The following SLC2A14 variants were observed in gnomAD, a reference collection of about 807,000 sequenced individuals.
SLC2A14 encodes solute carrier family 2 member 14.
In SLC2A14, 13 loss-of-function variants were observed where a neutral mutation model predicts 43.0. That is an observed-to-expected ratio of 0.30 (90% CI 0.20 to 0.48). The LOEUF (loss-of-function observed/expected upper bound fraction) is 0.48. SLC2A14 is among the 20% of genes least tolerant of loss of function. The pLI, the probability that SLC2A14 is intolerant of heterozygous loss-of-function variation, is 0.99. For synonymous variants in SLC2A14, 190 were observed against 233.8 expected (o/e 0.81, Z 1.71); for missense variants, 428 against 620.4 (o/e 0.69, Z 3.29).
At chr12:7,886,417 G>A (rs1458393261) in intron 1 of SLC2A14, among the ~76,000 whole-genome samples, 1 of 151,000 alleles carries the variant, frequency 6.6e-6, no homozygotes, top group African/African-American at 2.4e-5. Context: ...TTGTTGCCCA[G>A]GCTGGTCTCA....
intron 2 of SLC2A14, among the ~76,000 whole-genome samples, chr12:7,846,652 G>A (rs952130266): frequency 6.9e-5 from 10 of 144,498 alleles, no homozygotes; most frequent in Non-Finnish European, 3.0e-5. Context: ...TTTTTTTTGA[G>A]ATGGAGTCTC....
intron 7 of SLC2A14, among the ~76,000 whole-genome samples, chr12:7,822,216 C>T (rs1239913220): frequency 6.6e-6 from 1 of 152,014 alleles, no homozygotes; most frequent in Non-Finnish European, 1.5e-5. Context: ...ACCTCAGCCT[C>T]CCAAAGCGCT....
rs1209736775 is a variant in SLC2A14 at position 7,850,405 on chromosome 12, TA to T, written c.19-17592del. On this transcript the variant is annotated intron_variant, in intron 2 of 10. Coordinates refer to ENST00000431042, the MANE Select transcript of SLC2A14 (RefSeq NM_001286234.2). ...AATGAACTAATTTATTTATTATTATTATTTTTTTGAGACGGAGTCTCGCTCT... is the reference window on the plus strand; with the variant it reads ...AATGAACTAATTTATTTATTATTATTTTTTTTTGAGACGGAGTCTCGCTCT... Among the ~76,000 whole-genome samples the T allele has an allele frequency of 7.7e-3, 1,172 of 151,906 alleles. 9 individuals carry two copies. Among genetic ancestry groups the T allele is most frequent in the African/African-American group, 0.026 (1,098 of 41,454 alleles).
chr12:7,860,432 T>C (rs1175472562), intron 2 of SLC2A14: 1 of 152,192 alleles, frequency 6.6e-6, no homozygotes, highest in Non-Finnish European at 1.5e-5. Flanking sequence ...ATAGCCACGC[T>C]GCCCTAGGCT....
At chr12:7,831,849 C>G in intron 3 of SLC2A14, 85 bp from the exon 4 acceptor site, 1 of 1,551,000 alleles carries the variant, frequency 6.4e-7, no homozygotes, top group Non-Finnish European at 8.8e-7. Context: ...TGGCTCACGC[C>G]TGTAATCCCA....
Position 7,835,195 on chromosome 12 carries a change from T to C in SLC2A14, c.19-2381A>G, listed in dbSNP as rs139311342. On this transcript the variant is annotated intron_variant, in intron 2 of 10. Coordinates refer to ENST00000431042, the MANE Select transcript of SLC2A14 (RefSeq NM_001286234.2). ...TGTTATAAAATTTACACCTACAGCC[T>C]GACCAGTATGGTGAAAGCCCGTCTC... Among the ~76,000 whole-genome samples the C allele has an allele frequency of 3.9e-3, 599 of 152,078 alleles. 2 individuals are homozygous for C. The highest frequency in any genetic ancestry group is 0.014 in the African/African-American group (564 of 41,510).
intron 2 of SLC2A14, among the ~76,000 whole-genome samples, chr12:7,854,580 C>T (rs1392377612): frequency 1.3e-5 from 2 of 152,046 alleles, no homozygotes; most frequent in African/African-American, 2.4e-5. Flanking sequence ...CAATGGAGTG[C>T]GATCTCGGCT....
At chr12:7,850,911 AT>A (rs2120928586) in intron 2 of SLC2A14, 1 of 152,234 alleles carries the variant, frequency 6.6e-6, no homozygotes, top group African/African-American at 2.4e-5. Flanking sequence ...TTTATCCTAG[AT>A]GCTTTGCCTC....
intron 2 of SLC2A14, among the ~76,000 whole-genome samples, chr12:7,841,999 C>G (rs1490770808): frequency 5.3e-5 from 8 of 150,294 alleles, no homozygotes; most frequent in African/African-American, 2.0e-4. Flanking sequence ...GAGCGAAACT[C>G]TGTCTCAAAA....
chr12:7,821,388 A>C, intron 7 of SLC2A14, 63 bp from the exon 8 acceptor site: 2 of 1,430,666 alleles, frequency 1.4e-6, no homozygotes, highest in Non-Finnish European at 2.0e-6. Context: ...CAGAACCCTC[A>C]AAAAATACTT....
chr12:7,879,448 A>G lies in SLC2A14; in HGVS notation c.132+11548T>C, dbSNP rs139074875. 6.3e-3 allele frequency among the ~76,000 whole-genome samples: 964 copies of G among 152,070 alleles called. 19 individuals carry two copies. The highest frequency in any genetic ancestry group is 0.022 in the African/African-American group (923 of 41,502). On this transcript the variant is annotated intron_variant, in intron 1 of 9. Coordinates refer to the SLC2A14 transcript ENST00000539924. ...TGTAATCTCAGCACTTTGGTAGGCC[A>G]AGGGGAGCGGATCAACTGAGGTCAG... is the stretch of plus-strand genomic sequence containing the variant.
chr12:7,853,135 T>C (rs886155681), intron 2 of SLC2A14, among the ~76,000 whole-genome samples: 1 of 151,906 alleles, frequency 6.6e-6, no homozygotes, highest in Non-Finnish European at 1.5e-5. Flanking sequence ...ACTGACACAC[T>C]AATGACAATA....
At chr12:7,841,514 G>C (rs1865942860) in intron 2 of SLC2A14, among the ~76,000 whole-genome samples, 1 of 152,084 alleles carries the variant, frequency 6.6e-6, no homozygotes, top group Admixed American at 6.6e-5. Context: ...GCCTGACTTG[G>C]CCTTCCAAAG....
intron 7 of SLC2A14, among the ~76,000 whole-genome samples, chr12:7,822,392 G>A (rs1033091211): frequency 2.0e-5 from 3 of 151,926 alleles, no homozygotes; most frequent in Non-Finnish European, 4.4e-5. Context: ...TGTAGGCTGG[G>A]TGCAGTGGCT....
intron 1 of SLC2A14, among the ~76,000 whole-genome samples, chr12:7,882,569 A>C (rs1945604446): frequency 6.6e-6 from 1 of 152,110 alleles, no homozygotes. Context: ...GCAGTGGCTC[A>C]CACTTGTGAT....
chr12:7,882,132 C>G (rs1945589189), intron 1 of SLC2A14, among the ~76,000 whole-genome samples: 1 of 152,054 alleles, frequency 6.6e-6, no homozygotes, highest in South Asian at 2.1e-4. Flanking sequence ...TGTTGCTGCT[C>G]AGTTTTTGGG....
chr12:7,844,152 T>G (rs1207819350), intron 2 of SLC2A14, among the ~76,000 whole-genome samples: 1 of 152,182 alleles, frequency 6.6e-6, no homozygotes, highest in African/African-American at 2.4e-5. Flanking sequence ...CTGGTTCCAG[T>G]CTATAGCCTC....
chr12:7,828,620 C>T (rs926698060), intron 6 of SLC2A14, 84 bp downstream of exon 6: 15 of 1,399,150 alleles, frequency 1.1e-5, no homozygotes, highest in Middle Eastern at 1.9e-4. Context: ...GGAAAGGGTA[C>T]GACAGAAAAT....
chr12:7,888,797 CA>C (rs138233883), intron 1 of SLC2A14, among the ~76,000 whole-genome samples: 31,181 of 103,230 alleles, frequency 0.3, 2,934 homozygotes, highest in South Asian at 0.37. Flanking sequence ...GACTCCGTCT[CA>C]AAAAAAAAAA....
Sources: allele counts gnomAD v4.1 joint callset (sites outside exome capture counted in the v4.1 genomes callset), GRCh38; gene constraint gnomAD v4.1.1; transcripts MANE v1.5; gene names NCBI Gene and HGNC (gene_info 2026-07-23, HGNC 2026-07-21).